CHRM3: variants seen among roughly 807,000 people sequenced by gnomAD.
CHRM3 encodes cholinergic receptor muscarinic 3.
CHRM3 carries 11 observed loss-of-function variants against 41.8 expected under a neutral mutation model. The ratio of observed to expected loss-of-function variants is 0.26; its 90% CI spans 0.17 to 0.44. The LOEUF (loss-of-function observed/expected upper bound fraction) is 0.44. Among genes scored for constraint, CHRM3 ranks in the 20% least tolerant of loss-of-function variants. CHRM3 has a pLI of 1.00. For synonymous variants in CHRM3, 297 were observed against 301.4 expected (o/e 0.99, Z 0.15); for missense variants, 571 against 745.4 (o/e 0.77, Z 2.72).
chr1:239,463,825 G>T (rs1420023297), intron 1 of CHRM3, among the ~76,000 whole-genome samples: 2 of 152,190 alleles, frequency 1.3e-5, no homozygotes, highest in East Asian at 3.9e-4. Flanking sequence ...CATGCTCATT[G>T]ATTGTCCCTC....
chr1:239,571,149 G>T (rs955539985), intron 3 of CHRM3, among the ~76,000 whole-genome samples: 4 of 152,076 alleles, frequency 2.6e-5, no homozygotes, highest in Non-Finnish European at 4.4e-5. Context: ...CATAATAATG[G>T]AGATTAAGTG....
intron 5 of CHRM3, among the ~76,000 whole-genome samples, chr1:239,683,760 G>T (rs1185025775): frequency 6.6e-6 from 1 of 152,122 alleles, no homozygotes. Flanking sequence ...TATTACCTAA[G>T]TAAACTTTCT....
At chr1:239,564,126 A>G (rs1250634978) in intron 3 of CHRM3, among the ~76,000 whole-genome samples, 1 of 152,200 alleles carries the variant, frequency 6.6e-6, no homozygotes, top group African/African-American at 2.4e-5. Context: ...AGATAAGAGG[A>G]AACAAATTTC....
At chr1:239,437,744 CA>C (rs1434230915) in intron 1 of CHRM3, among the ~76,000 whole-genome samples, 1 of 151,924 alleles carries the variant, frequency 6.6e-6, no homozygotes, top group African/African-American at 2.4e-5. Context: ...GGAAAGTTGG[CA>C]AAATAGAGAT....
intron 1 of CHRM3, among the ~76,000 whole-genome samples, chr1:239,438,807 G>A (rs925738459): frequency 3.3e-5 from 5 of 152,130 alleles, no homozygotes; most frequent in African/African-American, 1.2e-4. Flanking sequence ...CTATTTTTCA[G>A]TAGTGATGTG....
At chr1:239,605,068 C>T (rs961576214) in intron 3 of CHRM3, among the ~76,000 whole-genome samples, 4 of 152,030 alleles carry the variant, frequency 2.6e-5, no homozygotes, top group African/African-American at 9.7e-5. Flanking sequence ...AAATTTGATT[C>T]AATATTATTT....
At chr1:239,844,245 T>A (rs1256017181) in intron 6 of CHRM3, among the ~76,000 whole-genome samples, 1 of 152,174 alleles carries the variant, frequency 6.6e-6, no homozygotes, top group Non-Finnish European at 1.5e-5. Flanking sequence ...CCACCATATA[T>A]GTCTGTTTAG....
intron 4 of CHRM3, among the ~76,000 whole-genome samples, chr1:239,633,428 C>G (rs1670090675): frequency 1.3e-5 from 2 of 152,166 alleles, no homozygotes; most frequent in African/African-American, 4.8e-5. Flanking sequence ...AGGCCCCTCC[C>G]TCAACAGATA....
At position 239,475,563 on chromosome 1, in the gene CHRM3, G is replaced by C. The variant is rs1245218596; in HGVS notation, c.-520-17146G>C. ...ACAAGTAAATCTAATGTAGTATCCT[G>C]GATGGGATCTTAGAATAGAAAAAGG... On this transcript the variant is annotated intron_variant, in intron 1 of 6. Transcript: ENST00000676153. Among the ~76,000 whole-genome samples the C allele has an allele frequency of 2.0e-5, 3 of 152,054 alleles. No homozygotes were observed. In the East Asian group the frequency reaches 5.8e-4, roughly 29 times the overall value.
intron 5 of CHRM3, among the ~76,000 whole-genome samples, chr1:239,818,063 A>G (rs1671739048): frequency 6.6e-6 from 1 of 152,162 alleles, no homozygotes; most frequent in African/African-American, 2.4e-5. Flanking sequence ...GGCTTAAACG[A>G]AGGACATTTC....
At chr1:239,620,336 G>A (rs992960913) in intron 3 of CHRM3, among the ~76,000 whole-genome samples, 4 of 152,048 alleles carry the variant, frequency 2.6e-5, no homozygotes, top group African/African-American at 4.8e-5. Context: ...TTTTCAGTCC[G>A]CCTTTGGTGC....
intron 6 of CHRM3, among the ~76,000 whole-genome samples, chr1:239,848,059 C>G (rs572218514): frequency 2.7e-5 from 4 of 149,148 alleles, no homozygotes; most frequent in Admixed American, 6.6e-5. Flanking sequence ...CAGTCTTCAT[C>G]TCCATATTAA....
At chr1:239,827,763 A>T (rs1672571130) in intron 6 of CHRM3, among the ~76,000 whole-genome samples, 2 of 152,228 alleles carry the variant, frequency 1.3e-5, no homozygotes, top group South Asian at 4.1e-4. Context: ...CCACAAAAAA[A>T]AATTCAACAT....
intron 3 of CHRM3, among the ~76,000 whole-genome samples, chr1:239,611,271 A>C (rs1666996935): frequency 6.6e-6 from 1 of 152,132 alleles, no homozygotes; most frequent in Non-Finnish European, 1.5e-5. Flanking sequence ...ACATCTAAAA[A>C]TTGTAAACTG....
intron 5 of CHRM3, among the ~76,000 whole-genome samples, chr1:239,687,009 A>G (rs1214360114): frequency 1.3e-5 from 2 of 152,132 alleles, no homozygotes; most frequent in African/African-American, 4.8e-5. Flanking sequence ...TGCTCTCTTA[A>G]GAAAAATAGC....
intron 3 of CHRM3, among the ~76,000 whole-genome samples, chr1:239,558,707 A>G (rs1660602193): frequency 6.6e-6 from 1 of 152,148 alleles, no homozygotes; most frequent in Admixed American, 6.6e-5. Context: ...CTTTTCCTAG[A>G]ATGCCTTTCC....
At chr1:239,901,631 G>A (rs1159617745) in intron 6 of CHRM3, among the ~76,000 whole-genome samples, 2 of 151,868 alleles carry the variant, frequency 1.3e-5, no homozygotes, top group African/African-American at 4.8e-5. Flanking sequence ...CCCACAACTT[G>A]CCTTTCTTAC....
intron 6 of CHRM3, among the ~76,000 whole-genome samples, chr1:239,854,540 A>T (rs1342134354): frequency 1.3e-5 from 2 of 152,228 alleles, no homozygotes; most frequent in African/African-American, 4.8e-5. Flanking sequence ...AATACTAATC[A>T]CTAGCATTGG....
At chr1:239,583,088 T>C (rs77903875) in intron 3 of CHRM3, among the ~76,000 whole-genome samples, 4 of 152,330 alleles carry the variant, frequency 2.6e-5, no homozygotes, top group African/African-American at 9.6e-5. Flanking sequence ...CCATGGACCA[T>C]GTGAAGTTCC....
Sources: gnomAD v4.1 joint callset for allele counts (sites outside exome capture counted in the v4.1 genomes callset) on GRCh38, gnomAD v4.1.1 for gene constraint, MANE v1.5 for transcripts, NCBI Gene and HGNC (gene_info 2026-07-23, HGNC 2026-07-21) for gene names.